The following CACNA2D3 variants were observed in gnomAD, a reference collection of about 807,000 sequenced individuals.
CACNA2D3 encodes calcium voltage-gated channel auxiliary subunit alpha2delta 3, also known as voltage-dependent calcium channel subunit alpha-2/delta-3.
A neutral mutation model predicts 160.6 loss-of-function variants in CACNA2D3; 60 were observed. That is an observed-to-expected ratio of 0.37 (90% confidence interval 0.30 to 0.46). The LOEUF is 0.46. CACNA2D3 is among the 20% of genes least tolerant of loss of function. CACNA2D3 has a pLI of 1.00. For missense variants in CACNA2D3, 1,205 were observed against 1,365.0 expected (o/e 0.88, Z 1.85); for synonymous variants, 558 against 492.9 (o/e 1.13, Z -1.75).
chr3:54,173,267 G>C (rs1432131965), intron 2 of CACNA2D3, among the ~76,000 whole-genome samples: 4 of 152,046 alleles, frequency 2.6e-5, no homozygotes, highest in African/African-American at 9.7e-5. Flanking sequence ...ACATCTTTGG[G>C]TCCTCCCCTC....
At position 54,443,445 on chromosome 3, in the gene CACNA2D3, A is replaced by G. The variant is rs17054024; in HGVS notation, c.381+56671A>G. Among the ~76,000 whole-genome samples the G allele has an allele frequency of 3.3e-3, 507 of 152,248 alleles. 20 individuals are homozygous for G. The East Asian group carries it at 0.074, about 22-fold the overall frequency. On this transcript the variant is annotated intron_variant, in intron 4 of 37. Transcript: ENST00000474759. ...ATGATTGGCAGGTTGCAGTTTCTGT[A>G]TATTTGGATCCCCATGTAAAATTGC...
intron 35 of CACNA2D3, among the ~76,000 whole-genome samples, chr3:55,037,442 G>A (rs1703846596): frequency 6.6e-6 from 1 of 152,176 alleles, no homozygotes; most frequent in Non-Finnish European, 1.5e-5. Flanking sequence ...AACTCCCTCA[G>A]ACATCAGTGG....
chr3:54,565,989 A>G (rs1702403449), intron 6 of CACNA2D3, among the ~76,000 whole-genome samples: 1 of 152,150 alleles, frequency 6.6e-6, no homozygotes, highest in African/African-American at 2.4e-5. Flanking sequence ...GTGGGTGCTC[A>G]ATATGTGTTT....
At chr3:54,810,256 G>A (rs1703268280) in intron 13 of CACNA2D3, among the ~76,000 whole-genome samples, 1 of 152,332 alleles carries the variant, frequency 6.6e-6, no homozygotes, top group Admixed American at 6.5e-5. Flanking sequence ...GTAAAGGAAG[G>A]ATTGGATTGG....
rs1386374852 is a variant in CACNA2D3, at chr3:54,954,385, TCA to T, written c.2450-14062_2450-14061del. 2.0e-5 allele frequency among the ~76,000 whole-genome samples: 3 copies of T among 152,324 alleles called. No homozygotes were observed. The East Asian group carries it at 5.8e-4, about 29-fold the overall frequency. On this transcript the variant is annotated intron_variant, in intron 27 of 37. Coordinates refer to ENST00000474759, the MANE Select transcript of CACNA2D3 (RefSeq NM_018398.3). ...AGCAGGGCTTAGAGCAGGGATGCTT[TCA>T]CATTCTTCCCAGCAATAGGAGAGAA...
At chr3:54,892,976 C>A (rs1375520079) in intron 25 of CACNA2D3, among the ~76,000 whole-genome samples, 1 of 151,808 alleles carries the variant, frequency 6.6e-6, no homozygotes, top group Non-Finnish European at 1.5e-5. Flanking sequence ...CTGTGAAGAT[C>A]AAAAAAAATT....
chr3:54,329,210 T>C (rs566238818), intron 3 of CACNA2D3, among the ~76,000 whole-genome samples: 7 of 152,354 alleles, frequency 4.6e-5, no homozygotes, highest in Admixed American at 4.6e-4. Context: ...GGTAATACTC[T>C]TTCCCCTTGT....
intron 11 of CACNA2D3, among the ~76,000 whole-genome samples, chr3:54,644,471 A>G (rs138576773): frequency 1.3e-5 from 2 of 152,340 alleles, no homozygotes; most frequent in East Asian, 3.9e-4. Flanking sequence ...ATCAACTCGC[A>G]TAAAAACCGA....
chr3:54,984,752 C>A, intron 30 of CACNA2D3, 82 bp downstream of exon 30: 1 of 821,086 alleles, frequency 1.2e-6, no homozygotes, highest in Non-Finnish European at 2.0e-6. Flanking sequence ...GGTGTTAAAA[C>A]TTGGAGACAA....
chr3:54,912,217 A>G (rs1470616785), intron 27 of CACNA2D3, among the ~76,000 whole-genome samples: 2 of 152,200 alleles, frequency 1.3e-5, no homozygotes, highest in African/African-American at 2.4e-5. Context: ...AGTGAGCAAG[A>G]TAGAAGCTGG....
chr3:54,797,688 T>A (rs1409374460), intron 13 of CACNA2D3, among the ~76,000 whole-genome samples: 4 of 152,226 alleles, frequency 2.6e-5, no homozygotes, highest in Non-Finnish European at 5.9e-5. Flanking sequence ...ATTGTGTGAC[T>A]TCTTGAGTTT....
chr3:54,545,365 T>TA (rs1214435128), intron 5 of CACNA2D3, among the ~76,000 whole-genome samples: 2 of 152,346 alleles, frequency 1.3e-5, no homozygotes, highest in Non-Finnish European at 2.9e-5. Context: ...CCTTGTCATA[T>TA]ATCATTTTTG....
At chr3:54,773,414 A>G (rs1221917541) in intron 13 of CACNA2D3, among the ~76,000 whole-genome samples, 1 of 152,198 alleles carries the variant, frequency 6.6e-6, no homozygotes, top group South Asian at 2.1e-4. Context: ...ACACGTAAAG[A>G]GAAACATAAA....
intron 11 of CACNA2D3, among the ~76,000 whole-genome samples, chr3:54,646,186 CCTTCCTTG>C (rs1189538655): frequency 0.068 from 435 of 6,392 alleles, 38 homozygotes; most frequent in Admixed American, 0.2. Context: ...CTCCCTCCCT[CCTTCCTTG>C]CTTCCTTCCT....
At chr3:54,796,112 G>T (rs1702861029) in intron 13 of CACNA2D3, among the ~76,000 whole-genome samples, 1 of 152,142 alleles carries the variant, frequency 6.6e-6, no homozygotes, top group Admixed American at 6.5e-5. Context: ...AAAGCTCTTT[G>T]CTAGTCTACA....
At chr3:54,287,303 C>A (rs1322745686) in intron 2 of CACNA2D3, among the ~76,000 whole-genome samples, 3 of 152,012 alleles carry the variant, frequency 2.0e-5, no homozygotes, top group African/African-American at 7.2e-5. Flanking sequence ...AGACTTTAAA[C>A]CAACAAAGAT....
chr3:54,946,950 A>C (rs1878110), intron 27 of CACNA2D3, among the ~76,000 whole-genome samples: 63,069 of 152,014 alleles, frequency 0.41, 14,451 homozygotes, highest in East Asian at 0.76. Context: ...ATTGTGAAAA[A>C]TTAATCTGCC....
chr3:54,913,428 A>G (rs1481109445), intron 27 of CACNA2D3, among the ~76,000 whole-genome samples: 2 of 152,150 alleles, frequency 1.3e-5, no homozygotes, highest in East Asian at 3.9e-4. Flanking sequence ...GGAAATACTT[A>G]TTGGCTAGCA....
At chr3:54,266,798 C>T (rs1007176817) in intron 2 of CACNA2D3, among the ~76,000 whole-genome samples, 3 of 152,190 alleles carry the variant, frequency 2.0e-5, no homozygotes, top group Admixed American at 1.3e-4. Flanking sequence ...GACTGGCTTA[C>T]TCCACCATCA....
Sources: allele counts gnomAD v4.1 joint callset (sites outside exome capture counted in the v4.1 genomes callset), GRCh38; gene constraint gnomAD v4.1.1; transcripts MANE v1.5; gene names NCBI Gene and HGNC (gene_info 2026-07-23, HGNC 2026-07-21).